Variants in CUX1 observed in about 807,000 individuals in gnomAD.
CUX1 encodes the protein cut like homeobox 1.
In CUX1, 31 loss-of-function variants were observed where a neutral mutation model predicts 158.8. The ratio of observed to expected loss-of-function variants is 0.20; its 90% CI spans 0.15 to 0.26. The LOEUF (loss-of-function observed/expected upper bound fraction) is 0.26, where lower values mean the gene tolerates loss of function less well. CUX1 is among the 10% of genes least tolerant of loss of function. The pLI is 1.00. For synonymous variants in CUX1, 879 were observed against 862.1 expected, an observed-to-expected ratio of 1.02 and a Z score of -0.34; for missense variants, 1,589 against 2,014.6, an observed-to-expected ratio of 0.79 and a Z score of 4.04.
At chr7:102,168,643 C>CAAAAAA (rs1167424159) in intron 9 of CUX1, among the ~76,000 whole-genome samples, 85 of 75,622 alleles carry the variant, frequency 1.1e-3, no homozygotes, top group African/African-American at 3.8e-3. Context: ...GGCTCTGTCT[C>CAAAAAA]AAAAAAAAAA....
At chr7:102,144,687 A>C (rs1203959797) in intron 8 of CUX1, among the ~76,000 whole-genome samples, 1 of 148,090 alleles carries the variant, frequency 6.8e-6, no homozygotes, top group African/African-American at 2.5e-5. Context: ...AAAAAAAAAC[A>C]GTAAAAATAA....
rs35700064 is a variant in CUX1 at position 102,195,116 on chromosome 7, C to CAA, written c.1126-376_1126-375dup. Among the ~76,000 whole-genome samples, 359 of 123,366 alleles carry CAA rather than the reference C, an allele frequency of 2.9e-3. 2 individuals carry two copies. The highest frequency in any genetic ancestry group is 8.2e-3 in the African/African-American group (286 of 34,758). The allele number at this position is 123,366 out of a possible 152,430, so 80.9% of individuals were successfully genotyped here. A position where few individuals can be genotyped will look rare whatever the true frequency, so the allele number is the denominator to read the frequency against. ...AGACAGCCAACATCTTTGTGGCTGGCAAAAAAAAAAAAAAAAGAAAAGTTC... is the reference window on the plus strand; with the variant it reads ...AGACAGCCAACATCTTTGTGGCTGGCAAAAAAAAAAAAAAAAAAGAAAAGTTC... On this transcript the variant is annotated intron_variant, in intron 13 of 23. Transcript: ENST00000292535.
intron 5 of CUX1, among the ~76,000 whole-genome samples, chr7:102,097,878 TTAA>T (rs1829364114): frequency 1.3e-5 from 2 of 152,214 alleles, no homozygotes; most frequent in African/African-American, 4.8e-5. Context: ...AGTAAGTCAT[TTAA>T]TAATTGCTGT....
At chr7:102,235,423 G>A (rs901044581) in intron 22 of CUX1, among the ~76,000 whole-genome samples, 2 of 151,792 alleles carry the variant, frequency 1.3e-5, no homozygotes, top group South Asian at 4.2e-4. Flanking sequence ...CCCAGGGGCC[G>A]GGCACAGTGG....
Position 102,248,478 on chromosome 7 carries a change from C to T in CUX1, c.3954C>T (p.Ala1318=). 6.3e-7 allele frequency: 1 copy of T among 1,592,420 alleles called. No individual in the cohort carries two copies. The change falls in exon 24 of 24, where the codon GCC becomes GCT. Residue 1318 remains alanine (A), a synonymous_variant. Coordinates refer to ENST00000292535, the MANE Select transcript of CUX1 (RefSeq NM_181552.4). The surrounding 1 kb of genome is among the most constrained non-coding windows in gnomAD (Gnocchi z 5.8). ...IQAGSQGQAG[A]SDSPSARSGR... is the part of the protein sequence containing the mutation. ...CCGGGAGTCAGGGCCAGGCGGGCGC[C>T]AGCGACTCACCCTCGGCCCGCAGCG... is the stretch of plus-strand genomic sequence containing the variant.
At chr7:102,029,988 A>G (rs752501250) in intron 3 of CUX1, among the ~76,000 whole-genome samples, 2 of 151,510 alleles carry the variant, frequency 1.3e-5, no homozygotes, top group Non-Finnish European at 2.9e-5. Context: ...AAAAATGGAA[A>G]GATTAGTACA....
chr7:101,858,219 C>G (rs1263824185), intron 1 of CUX1, among the ~76,000 whole-genome samples: 2 of 152,198 alleles, frequency 1.3e-5, no homozygotes, highest in African/African-American at 4.8e-5. Flanking sequence ...TATGTAGATT[C>G]CTTAAGAATA....
rs1790053691 is a variant in CUX1 at position 102,158,581 on chromosome 7, C to T, written c.696C>T (p.Ile232=). 2.5e-6 allele frequency: 4 copies of T among 1,613,852 alleles called. No individual in the cohort carries two copies. The highest frequency in any genetic ancestry group is 2.5e-6 in the Non-Finnish European group (3 of 1,179,972). ...TTAKADEIEM[I]MTDLERANQR... is the part of the protein sequence containing the mutation. ...CTAGGGCCGACGAGATTGAAATGAT[C>T]ATGACGGACCTTGAAAGGGCAAACC... Residue 232 remains isoleucine, a synonymous_variant, in exon 9 of 24, where the codon ATC becomes ATT. Transcript: ENST00000292535.
chr7:102,165,647 G>A (rs1790946803), intron 9 of CUX1, among the ~76,000 whole-genome samples: 1 of 152,126 alleles, frequency 6.6e-6, no homozygotes, highest in African/African-American at 2.4e-5. Context: ...TTACAGGCGT[G>A]AGCCACAGCA....
At position 102,256,057 on chromosome 7, in the gene CUX1, C is replaced by T. The variant is rs1226327893; in HGVS notation, c.*7015C>T. 3.3e-5 allele frequency: 33 copies of T among 985,482 alleles called. No homozygotes were observed. Among genetic ancestry groups the T allele is most frequent in the Non-Finnish European group, 4.0e-5 (33 of 829,952 alleles). The allele number at this position is 985,482 out of a possible 1,614,324, so 61.0% of individuals were successfully genotyped here. On this transcript the variant is annotated 3_prime_UTR_variant, in exon 24 of 24. Transcript: ENST00000292535. ...ATGAACCGAAGGGAAAACAGGCCTC[C>T]CCGACTCCCTCCAGTCTCCCAGCCT...
chr7:102,123,167 GT>G (rs1832236831), intron 8 of CUX1, among the ~76,000 whole-genome samples: 1 of 151,848 alleles, frequency 6.6e-6, no homozygotes, highest in Non-Finnish European at 1.5e-5. Flanking sequence ...GGAGGCAGAG[GT>G]TGCAGTGAGC....
At chr7:101,822,675 C>A (rs1320387078) in intron 1 of CUX1, among the ~76,000 whole-genome samples, 1 of 152,188 alleles carries the variant, frequency 6.6e-6, no homozygotes, top group East Asian at 1.9e-4. Context: ...CCAAGGCAGG[C>A]AGATCACTTG....
At chr7:102,122,748 A>G (rs1277172078) in intron 8 of CUX1, among the ~76,000 whole-genome samples, 1 of 152,172 alleles carries the variant, frequency 6.6e-6, no homozygotes. Context: ...GTCTATTGCA[A>G]AGCATCAGTG....
intron 9 of CUX1, among the ~76,000 whole-genome samples, chr7:102,165,522 G>A (rs558060491): frequency 1.1e-4 from 17 of 151,500 alleles, no homozygotes; most frequent in Admixed American, 3.3e-4. Context: ...ACACCCCCAC[G>A]CCCAGCTAAT....
chr7:102,091,232 G>C (rs1828552447), intron 4 of CUX1, among the ~76,000 whole-genome samples: 1 of 152,180 alleles, frequency 6.6e-6, no homozygotes, highest in Non-Finnish European at 1.5e-5. Flanking sequence ...TTTTTCAAAA[G>C]TATCTGTCAA....
intron 1 of CUX1, among the ~76,000 whole-genome samples, chr7:101,883,237 A>G (rs1044296539): frequency 5.9e-5 from 9 of 152,180 alleles, no homozygotes; most frequent in African/African-American, 2.2e-4. Flanking sequence ...TATTTATGTT[A>G]TGGGGTGAGT....
chr7:101,966,332 T>C (rs1156603329), intron 2 of CUX1, among the ~76,000 whole-genome samples: 2 of 151,558 alleles, frequency 1.3e-5, no homozygotes, highest in Admixed American at 6.6e-5. Flanking sequence ...AGGATCCTTA[T>C]CTTTTAGAGA....
intron 2 of CUX1, among the ~76,000 whole-genome samples, chr7:101,957,988 G>T (rs1809976397): frequency 6.6e-6 from 1 of 152,144 alleles, no homozygotes; most frequent in Non-Finnish European, 1.5e-5. Flanking sequence ...GTCCCTACCC[G>T]TGTAATGGGG....
chr7:101,890,312 C>A (rs1800740071), intron 1 of CUX1, among the ~76,000 whole-genome samples: 1 of 151,190 alleles, frequency 6.6e-6, no homozygotes, highest in Non-Finnish European at 1.5e-5. Context: ...GTGGGCTGGC[C>A]AGGGAAGGGG....
Sources: gnomAD v4.1 joint callset for allele counts (sites outside exome capture counted in the v4.1 genomes callset) on GRCh38, gnomAD v4.1.1 for gene constraint, Gnocchi (gnomAD v3.1) non-coding constraint, MANE v1.5 for transcripts, NCBI Gene and HGNC (gene_info 2026-07-23, HGNC 2026-07-21) for gene names.